ANKRD31: variants seen among roughly 807,000 people sequenced by gnomAD.
ANKRD31 encodes the protein ankyrin repeat domain 31.
Under a neutral mutation model 186.0 loss-of-function variants are expected in ANKRD31, and 147 were observed. The observed-to-expected ratio is 0.79, with a 90% confidence interval of 0.69 to 0.91. The LOEUF is 0.91. ANKRD31 is among the 40% of genes least tolerant of loss of function. The pLI, the probability that ANKRD31 is intolerant of heterozygous loss-of-function variation, is 0.00. For synonymous variants in ANKRD31, 673 were observed against 736.4 expected (o/e 0.91, Z 1.39); for missense variants, 1,986 against 2,148.8 (o/e 0.92, Z 1.50).
At chr5:75,096,775 T>C (rs1194893584) in intron 22 of ANKRD31, among the ~76,000 whole-genome samples, 1 of 152,052 alleles carries the variant, frequency 6.6e-6, no homozygotes, top group Non-Finnish European at 1.5e-5. Context: ...TAACTCGTCA[T>C]TTACATTAGG....
intron 1 of ANKRD31, among the ~76,000 whole-genome samples, chr5:75,234,659 A>G (rs1758150401): frequency 6.6e-6 from 1 of 152,236 alleles, no homozygotes. Context: ...CTAAGTGTAT[A>G]TATGTTGGAA....
intron 22 of ANKRD31, among the ~76,000 whole-genome samples, chr5:75,092,071 G>A (rs548503848): frequency 2.6e-5 from 4 of 152,170 alleles, no homozygotes; most frequent in Non-Finnish European, 5.9e-5. Context: ...CAGCTCCAGG[G>A]CCATGGCTCA....
intron 22 of ANKRD31, among the ~76,000 whole-genome samples, chr5:75,097,563 T>C (rs1746432310): frequency 6.6e-6 from 1 of 152,224 alleles, no homozygotes; most frequent in African/African-American, 2.4e-5. Flanking sequence ...ATTAGCCCTT[T>C]GTCAGATGGG....
chr5:75,213,805 A>G (rs1318439122), intron 3 of ANKRD31, among the ~76,000 whole-genome samples: 3 of 152,158 alleles, frequency 2.0e-5, no homozygotes, highest in Non-Finnish European at 4.4e-5. Flanking sequence ...TCCTCAACCA[A>G]AAAAGCAATC....
At chr5:75,223,997 C>A (rs900509676) in intron 2 of ANKRD31, among the ~76,000 whole-genome samples, 5 of 151,746 alleles carry the variant, frequency 3.3e-5, no homozygotes, top group African/African-American at 9.7e-5. Flanking sequence ...GATTTCTCAT[C>A]CTCCAGAACT....
chr5:75,177,135 G>A (rs1407185280), intron 10 of ANKRD31, among the ~76,000 whole-genome samples: 3 of 152,146 alleles, frequency 2.0e-5, no homozygotes, highest in Non-Finnish European at 2.9e-5. Context: ...GGGTATCAGC[G>A]ATGGAAGACG....
intron 3 of ANKRD31, 30 bp downstream of exon 3, chr5:75,222,219 G>T: frequency 1.4e-6 from 2 of 1,418,038 alleles, no homozygotes; most frequent in Non-Finnish European, 1.9e-6. Flanking sequence ...AATTTTTAAT[G>T]AGTATGTATT....
At chr5:75,224,797 C>T (rs1029596526) in intron 2 of ANKRD31, among the ~76,000 whole-genome samples, 1 of 151,994 alleles carries the variant, frequency 6.6e-6, no homozygotes, top group Admixed American at 6.6e-5. Flanking sequence ...TTTTACTACA[C>T]AAAAACTTAA....
At chr5:75,129,957 T>C (rs1749623337) in intron 17 of ANKRD31, among the ~76,000 whole-genome samples, 1 of 152,286 alleles carries the variant, frequency 6.6e-6, no homozygotes, top group African/African-American at 2.4e-5. Context: ...CCAGTGGTCG[T>C]AGTGTGTTCA....
At chr5:75,100,286 G>A (rs1746731963) in intron 22 of ANKRD31, among the ~76,000 whole-genome samples, 1 of 152,184 alleles carries the variant, frequency 6.6e-6, no homozygotes, top group African/African-American at 2.4e-5. Context: ...TGGTCTGAGA[G>A]ACAGTTTGTT....
intron 17 of ANKRD31, among the ~76,000 whole-genome samples, chr5:75,118,959 T>G (rs116231743): frequency 1.5e-3 from 231 of 152,290 alleles, no homozygotes; most frequent in African/African-American, 5.3e-3. Flanking sequence ...TGATTAGACA[T>G]AGTTGAATAA....
chr5:75,190,218 G>A (rs1293172727), intron 9 of ANKRD31, among the ~76,000 whole-genome samples: 2 of 151,794 alleles, frequency 1.3e-5, no homozygotes, highest in African/African-American at 4.8e-5. Flanking sequence ...ACAGGGTTTC[G>A]CCATGTTGCT....
chr5:75,080,924 T>A (rs1045071507), intron 24 of ANKRD31, among the ~76,000 whole-genome samples: 7 of 151,534 alleles, frequency 4.6e-5, no homozygotes, highest in East Asian at 1.9e-4. Context: ...CAAAATTATT[T>A]TTTTTTTTTA....
At position 75,135,318 on chromosome 5, in the gene ANKRD31, G is replaced by C. The variant is rs4895742; in HGVS notation, c.3876+2538C>G. ...AAGCTGATAAGCAACTTCAGCAAAG[G>C]CTCAGGATACTAAATCAATGTGCAA... is the stretch of plus-strand genomic sequence containing the variant. On this transcript the variant is annotated intron_variant, in intron 17 of 25. Transcript: ENST00000506364. Among the ~76,000 whole-genome samples the C allele has an allele frequency of 1.8e-3, 276 of 152,166 alleles. 1 individual carries two copies. Among genetic ancestry groups the C allele is most frequent in the African/African-American group, 6.5e-3 (270 of 41,444 alleles).
chr5:75,146,375 A>G lies in ANKRD31; in HGVS notation c.3036T>C (p.Cys1012=), dbSNP rs1470338577. ...NGNPEQNSLA[C]MRTLLTHEAS... ...CCTCATGTGTCAAAAGTGTTCTCAT[A>G]CAAGCCAGGGAATTTTGCTCAGGAT... The change falls in exon 14 of 26, where the codon TGT becomes TGC. Residue 1012 remains cysteine, a synonymous_variant. Coordinates refer to ENST00000506364, the MANE Select transcript of ANKRD31 (RefSeq NM_001372053.1). The G allele has an allele frequency of 2.0e-6, 3 of 1,536,618 alleles. No homozygotes were observed. The highest frequency in any genetic ancestry group is 2.6e-6 in the Non-Finnish European group (3 of 1,146,502).
At position 75,092,843 on chromosome 5, in the gene ANKRD31, A is replaced by G. The variant is rs142223817; in HGVS notation, c.5332-1442T>C. ...TGTTCAAGGAACTAAAGAAAACCAT[A>G]ATTAAAGACATTAAGTAAGGAATGA... On this transcript the variant is annotated intron_variant, in intron 22 of 25. Transcript: ENST00000506364. 1.5e-3 allele frequency among the ~76,000 whole-genome samples: 232 copies of G among 152,308 alleles called. 2 individuals carry two copies. Among genetic ancestry groups the G allele is most frequent in the South Asian group, 9.3e-3 (45 of 4,830 alleles).
At chr5:75,088,977 G>A (rs895836574) in intron 23 of ANKRD31, among the ~76,000 whole-genome samples, 1 of 152,092 alleles carries the variant, frequency 6.6e-6, no homozygotes, top group African/African-American at 2.4e-5. Context: ...TCTTACTGAG[G>A]CTGCACATTA....
Position 75,169,082 on chromosome 5 carries a change from T to C in ANKRD31, c.1604A>G (p.Tyr535Cys). 6.5e-7 allele frequency: 1 copy of C among 1,537,136 alleles called. No individual in the cohort carries two copies. ...TTTTAATAGTTCACTTGCTGTCCGA[T>C]AAAATCCTCCTACACTAGCTTCATG... ...ALHEASVGGF[Y>C]RTASELLKGG... The change falls in exon 11 of 26, where the codon TAT (tyrosine) becomes TGT (cysteine). Residue 535 changes from tyrosine to cysteine, a missense_variant. Coordinates refer to ENST00000506364, the MANE Select transcript of ANKRD31 (RefSeq NM_001372053.1).
At chr5:75,199,078 T>G (rs553997371) in intron 6 of ANKRD31, among the ~76,000 whole-genome samples, 4 of 152,136 alleles carry the variant, frequency 2.6e-5, no homozygotes, top group Admixed American at 6.5e-5. Context: ...TGTGGCAGTA[T>G]GGGCCTACAG....
Sources: gnomAD v4.1 joint callset for allele counts (sites outside exome capture counted in the v4.1 genomes callset) on GRCh38, gnomAD v4.1.1 for gene constraint, MANE v1.5 for transcripts, NCBI Gene and HGNC (gene_info 2026-07-23, HGNC 2026-07-21) for gene names.